MOSPD1: variants seen among roughly 807,000 people sequenced by gnomAD.
MOSPD1 encodes motile sperm domain-containing protein 1.
A neutral mutation model predicts 16.7 loss-of-function variants in MOSPD1; 5 were observed. That is an observed-to-expected ratio of 0.30 (90% CI 0.16 to 0.63). The LOEUF (loss-of-function observed/expected upper bound fraction) is 0.63, where lower values mean the gene tolerates loss of function less well. Ranked by LOEUF, MOSPD1 falls within the 30% of genes least tolerant of loss-of-function variation. The pLI, the probability that MOSPD1 is intolerant of heterozygous loss-of-function variation, is 0.82. For synonymous variants in MOSPD1, 67 were observed against 59.2 expected (o/e 1.13, Z -0.61); for missense variants, 104 against 153.6 (o/e 0.68, Z 1.71).
chrX:134,891,771 T>A (rs1248503085), intron 4 of MOSPD1, 131 bp from the exon 5 acceptor site: 2 of 660,336 alleles, frequency 3.0e-6, no homozygotes, highest in African/African-American at 4.5e-5. Context: ...CCATCATTTT[T>A]TCCATCTGAG....
intron 1 of MOSPD1, 103 bp downstream of exon 1, chrX:134,915,079 T>A (rs981521536): frequency 1.8e-5 from 2 of 113,419 alleles, no homozygotes; most frequent in African/African-American, 6.4e-5. Flanking sequence ...AAGCTCCGGC[T>A]GTGCGGATGG....
rs1160423435 is a variant in MOSPD1, at chrX:134,909,136, T to C, written c.-102+6046A>G. ...CAAAAAAAAAATTAGCCGGGAGTAG[T>C]GGCGGGTGCCTGTAGTCCCAGCTAC... is the stretch of plus-strand genomic sequence containing the variant. On this transcript the variant is annotated intron_variant, in intron 1 of 5. Coordinates refer to ENST00000370783, the MANE Select transcript of MOSPD1 (RefSeq NM_019556.3). Among the ~76,000 whole-genome samples, 6 of 108,478 alleles carry C rather than the reference T, an allele frequency of 5.5e-5. No individual in the cohort carries two copies. The Admixed American group carries it at 5.9e-4, about 11-fold the overall frequency. The allele number at this position is 108,478 out of a possible 115,157, so 94.2% of individuals were successfully genotyped here. A position where few individuals can be genotyped will look rare whatever the true frequency, so the allele number is the denominator to read the frequency against.
chrX:134,908,719 A>G (rs1001893912), intron 1 of MOSPD1, among the ~76,000 whole-genome samples: 3 of 112,055 alleles, frequency 2.7e-5, no homozygotes, highest in Non-Finnish European at 3.8e-5. Flanking sequence ...CTGACACAAA[A>G]AGACGCATAA....
Position 134,889,096 on chromosome X carries a change from T to C in MOSPD1, c.*65A>G. On this transcript the variant is annotated 3_prime_UTR_variant, in exon 6 of 6. Transcript: ENST00000370783. The stretch of plus-strand genomic sequence containing the variant: ...GCATGTTAATGGAGTGAAATAGAGA[T>C]AAAAGGCAGTCCACATTCATATTTT... The C allele has an allele frequency of 1.1e-6, 1 of 913,756 alleles. No homozygotes were observed. The highest frequency in any genetic ancestry group is 3.2e-5 in the East Asian group (1 of 31,059). 75.3% of individuals were successfully genotyped at this position (913,756 alleles called of 1,213,427 possible). A position where few individuals can be genotyped will look rare whatever the true frequency, so the allele number is the denominator to read the frequency against.
chrX:134,893,602 G>A (rs2082872458), intron 4 of MOSPD1, among the ~76,000 whole-genome samples: 1 of 111,363 alleles, frequency 9.0e-6, no homozygotes, highest in Admixed American at 9.6e-5. Flanking sequence ...TTAACAGCTT[G>A]GTATGTATCC....
chrX:134,908,107 T>C (rs1336471361), intron 1 of MOSPD1, among the ~76,000 whole-genome samples: 2 of 112,577 alleles, frequency 1.8e-5, no homozygotes, highest in Non-Finnish European at 3.7e-5. Context: ...TTTGTGTGCA[T>C]TAATTTTGAC....
intron 1 of MOSPD1, among the ~76,000 whole-genome samples, chrX:134,901,376 C>T (rs760538106): frequency 1.8e-5 from 2 of 108,679 alleles, no homozygotes; most frequent in South Asian, 4.0e-4. Flanking sequence ...TGGCCGGGCG[C>T]GGTGGCTCAC....
chrX:134,910,517 CAA>C lies in MOSPD1; in HGVS notation c.-102+4663_-102+4664del, dbSNP rs1385470157. On this transcript the variant is annotated intron_variant, in intron 1 of 5. Transcript: ENST00000370783. Reference sequence around the variant, plus strand: ...AGATGAAAATATTTTGTCAGCCTTCCAAAAACTCAGACTAGCAGGAAAAACAG... The same window carrying C: ...AGATGAAAATATTTTGTCAGCCTTCCAAACTCAGACTAGCAGGAAAAACAG... Among the ~76,000 whole-genome samples the C allele has an allele frequency of 4.5e-5, 5 of 111,708 alleles. No individual in the cohort carries two copies. In the East Asian group the frequency reaches 1.1e-3, roughly 25 times the overall value.
intron 1 of MOSPD1, among the ~76,000 whole-genome samples, chrX:134,901,730 G>A (rs761933752): frequency 1.6e-4 from 18 of 111,654 alleles, no homozygotes; most frequent in African/African-American, 5.8e-4. Context: ...TGAGGGGAGA[G>A]CATTCAGACC....
Position 134,891,652 on chromosome X carries a change from C to T in MOSPD1, c.449-12G>A. ...TACAGCTCTGTTTTCTGTAAAAAGA[C>T]AAAAATCCCTAAGCTTCCTTCTAAA... On this transcript the variant is annotated splice_polypyrimidine_tract_variant and intron_variant, in intron 4 of 5. Coordinates refer to ENST00000370783, the MANE Select transcript of MOSPD1 (RefSeq NM_019556.3). 4.2e-6 allele frequency: 5 copies of T among 1,203,665 alleles called. No individual in the cohort carries two copies. In the South Asian group the frequency reaches 9.0e-5, roughly 22 times the overall value.
At chrX:134,907,663 G>A (rs1337992363) in intron 1 of MOSPD1, among the ~76,000 whole-genome samples, 3 of 112,356 alleles carry the variant, frequency 2.7e-5, no homozygotes, top group Non-Finnish European at 3.8e-5. Context: ...CCAGGAGTTC[G>A]AGACCAGCCT....
chrX:134,914,699 GC>G (rs893893168), intron 1 of MOSPD1, among the ~76,000 whole-genome samples: 1 of 112,561 alleles, frequency 8.9e-6, no homozygotes, highest in African/African-American at 3.2e-5. Context: ...CTCCAACCCT[GC>G]CGATTTCCTT....
chrX:134,896,774 T>C lies in MOSPD1; in HGVS notation c.448+43A>G, dbSNP rs144429607. The C allele has an allele frequency of 2.1e-4, 198 of 963,370 alleles. 1 individual carries two copies. In the African/African-American group the frequency reaches 3.3e-3, roughly 16 times the overall value. The allele number at this position is 963,370 out of a possible 1,213,427, so 79.4% of individuals were successfully genotyped here. On this transcript the variant is annotated intron_variant, in intron 4 of 5. Coordinates refer to ENST00000370783, the MANE Select transcript of MOSPD1 (RefSeq NM_019556.3). ...TGCCTGATTATTTTAAAGTTAATAA[T>C]GTGTAAGACCTCAAAAGGGCTTTAA...
chrX:134,907,593 A>C (rs1290119220), intron 1 of MOSPD1, among the ~76,000 whole-genome samples: 1 of 112,113 alleles, frequency 8.9e-6, no homozygotes, highest in African/African-American at 3.2e-5. Flanking sequence ...GGCTGGGCAC[A>C]GTGGCTCACG....
At chrX:134,890,904 C>G (rs2082860179) in intron 5 of MOSPD1, among the ~76,000 whole-genome samples, 1 of 111,755 alleles carries the variant, frequency 8.9e-6, no homozygotes, top group Admixed American at 9.5e-5. Flanking sequence ...TGAGGAAAGT[C>G]ATTCATCACC....
chrX:134,910,317 A>C (rs2082964514), intron 1 of MOSPD1, among the ~76,000 whole-genome samples: 1 of 110,775 alleles, frequency 9.0e-6, no homozygotes, highest in Non-Finnish European at 1.9e-5. Flanking sequence ...AGGCAAGAGA[A>C]TCACTTGAGC....
intron 1 of MOSPD1, among the ~76,000 whole-genome samples, chrX:134,914,850 C>A (rs2082990158): frequency 8.9e-6 from 1 of 112,738 alleles, no homozygotes; most frequent in Non-Finnish European, 1.9e-5. Context: ...ATCCCCGGGG[C>A]AACCGAACTC....
intron 3 of MOSPD1, among the ~76,000 whole-genome samples, chrX:134,897,358 T>G (rs2082890099): frequency 2.8e-5 from 3 of 108,815 alleles, no homozygotes; most frequent in Admixed American, 2.0e-4. Flanking sequence ...GCCTGGAGTT[T>G]GAGACCAGCC....
intron 1 of MOSPD1, among the ~76,000 whole-genome samples, chrX:134,912,906 G>A (rs1482434566): frequency 2.9e-5 from 3 of 104,280 alleles, no homozygotes; most frequent in South Asian, 4.4e-4. Flanking sequence ...GCCACTGCAC[G>A]CTCCAACCTG....
Sources: gnomAD v4.1 joint callset for allele counts (sites outside exome capture counted in the v4.1 genomes callset) on GRCh38, gnomAD v4.1.1 for gene constraint, MANE v1.5 for transcripts, NCBI Gene and HGNC (gene_info 2026-07-23, HGNC 2026-07-21) for gene names.